Variants in IL17REL observed in about 807,000 individuals in gnomAD.
The protein encoded by IL17REL is interleukin-17 receptor E-like protein.
Under a neutral mutation model 49.0 loss-of-function variants are expected in IL17REL, and 36 were observed. The observed-to-expected ratio is 0.73, with a 90% CI of 0.56 to 0.97. The LOEUF is 0.97. Ranked by LOEUF, IL17REL falls within the 50% of genes least tolerant of loss-of-function variation. The probability of loss-of-function intolerance (pLI) is 0.00; values close to 1 mark genes in which losing one functional copy is unlikely to be tolerated. For missense variants in IL17REL, 470 were observed against 453.9 expected, an observed-to-expected ratio of 1.04 and a Z score of -0.32; for synonymous variants, 206 against 192.4, an observed-to-expected ratio of 1.07 and a Z score of -0.58.
chr22:49,998,305 A>G (rs760051591), exon 8 of IL17REL: 29 of 1,600,862 alleles, frequency 1.8e-5, no homozygotes, highest in Non-Finnish European at 2.5e-5. Context: ...CCAGTGCCTC[A>G]GTGTCTGCAG....
chr22:50,004,820 C>T (rs1036601381), intron 1 of IL17REL, among the ~76,000 whole-genome samples: 1 of 149,146 alleles, frequency 6.7e-6, no homozygotes, highest in Non-Finnish European at 1.5e-5. Flanking sequence ...CCACTGCACT[C>T]CAGCCTGGAT....
At chr22:49,996,821 G>A (rs531433024) in exon 13 of IL17REL, 113 of 535,390 alleles carry the variant, frequency 2.1e-4, no homozygotes, top group African/African-American at 2.1e-3. Context: ...AGGTTGCAGA[G>A]CTGCTGGGGG....
intron 9 of IL17REL, 52 bp from the exon 12 acceptor site, chr22:49,997,794 GCAGGGACAGGGGCAGGGA>G: frequency 2.6e-6 from 4 of 1,565,422 alleles, no homozygotes; most frequent in Non-Finnish European, 3.5e-6. Flanking sequence ...TGAGGCAGGG[GCAGGGACAGGGGCAGGGA>G]CAGGGACAGG....
In IL17REL at chr22:50,002,495, CTTTTTTT is replaced by C. The variant is rs398040533; in HGVS notation, c.-41-1271_-41-1265del. ...GAAATCCAACTCTTTCTTTTCTTTT[CTTTTTTT>C]TTTTTTTTTTTTGAGACAGTCCCGC... On this transcript the variant is annotated intron_variant, in intron 1 of 12. Transcript: ENST00000341280. Among the ~76,000 whole-genome samples, 31 of 127,910 alleles carry C rather than the reference CTTTTTTT, an allele frequency of 2.4e-4. No individual in the cohort carries two copies. The Admixed American group carries it at 2.5e-3, about 10-fold the overall frequency. 83.9% of individuals were successfully genotyped at this position (127,910 alleles called of 152,430 possible).
chr22:50,006,400 G>C (rs1006958125), intron 1 of IL17REL, among the ~76,000 whole-genome samples: 6 of 152,058 alleles, frequency 3.9e-5, no homozygotes, highest in African/African-American at 1.4e-4. Flanking sequence ...CCAGCCTCCG[G>C]GAGGCCCTGA....
Position 49,997,611 on chromosome 22 carries a change from C to T in IL17REL, c.877+74G>A, listed in dbSNP as rs997079123. The T allele has an allele frequency of 4.0e-6, 6 of 1,515,434 alleles. No individual in the cohort carries two copies. The East Asian group carries it at 6.8e-5, about 17-fold the overall frequency. 93.9% of individuals were successfully genotyped at this position (1,515,434 alleles called of 1,614,324 possible). A position where few individuals can be genotyped will look rare whatever the true frequency, so the allele number is the denominator to read the frequency against. On this transcript the variant is annotated intron_variant, in intron 10 of 12. Transcript: ENST00000341280. ...TGGCTTGGCACCGTTATTCCACCTC[C>T]CTGACCAGCACAGAGTGATATAAAG...
rs2046541740 is a variant in IL17REL at position 49,998,749 on chromosome 22, G to A, written c.602-440C>T. Among the ~76,000 whole-genome samples, 3 of 150,704 alleles carry A rather than the reference G, an allele frequency of 2.0e-5. No homozygotes were observed. In the South Asian group the frequency reaches 6.3e-4, roughly 32 times the overall value. The stretch of plus-strand genomic sequence containing the variant: ...CATGTGTATGGGTGTGTATGTGCAT[G>A]GGTGCGTGTGCATGGGTGCGTGTCC... On this transcript the variant is annotated intron_variant, in intron 7 of 12. Transcript: ENST00000341280.
chr22:49,998,665 A>G (rs1244302041), intron 7 of IL17REL, among the ~76,000 whole-genome samples: 4 of 133,892 alleles, frequency 3.0e-5, no homozygotes, highest in Non-Finnish European at 6.3e-5. Context: ...TGTCATGGGT[A>G]TGGGTGTGCG....
chr22:50,006,903 CAAGA>C (rs1200445800), intron 1 of IL17REL, among the ~76,000 whole-genome samples: 1 of 135,884 alleles, frequency 7.4e-6, no homozygotes, highest in Non-Finnish European at 1.5e-5. Flanking sequence ...TGCAGTGAGC[CAAGA>C]TTGCACCACT....
intron 7 of IL17REL, 80 bp downstream of exon 9, chr22:49,999,211 C>T (rs562858324): frequency 2.1e-5 from 32 of 1,524,806 alleles, no homozygotes; most frequent in Non-Finnish European, 2.7e-5. Flanking sequence ...TCTCATCCCC[C>T]CACGTCAGTC....
chr22:49,998,038 TG>T lies in IL17REL; in HGVS notation c.805del (p.Gln269SerfsTer4). On this transcript the variant is annotated frameshift_variant, in exon 9 of 13. Coordinates refer to ENST00000341280, the Ensembl canonical transcript of IL17REL. LOFTEE classifies it high-confidence loss of function. ...GCAGCCCCTCACCTTCAGGCAGAGC[TG>T]GGGCTGGGTGTCCACCAGCGGGTAC... 6.3e-7 allele frequency: 1 copy of T among 1,593,618 alleles called. No individual in the cohort carries two copies. Among genetic ancestry groups the T allele is most frequent in the Admixed American group, 1.9e-5 (1 of 52,870 alleles).
At chr22:50,011,986 G>A (rs952697972), upstream of IL17REL, among the ~76,000 whole-genome samples, 5 of 152,184 alleles carry the variant, frequency 3.3e-5, no homozygotes, top group African/African-American at 1.2e-4. Context: ...TGTCCCCACT[G>A]TGCCCGGCCA....
chr22:50,010,760 C>T (rs2061135310), upstream of IL17REL, among the ~76,000 whole-genome samples: 1 of 150,778 alleles, frequency 6.6e-6, no homozygotes, highest in Non-Finnish European at 1.5e-5. Flanking sequence ...CCCGCCCCTG[C>T]CCCACGGCAC....
chr22:49,991,869 C>T (rs1199429869), downstream of IL17REL, among the ~76,000 whole-genome samples: 1 of 152,174 alleles, frequency 6.6e-6, no homozygotes, highest in Non-Finnish European at 1.5e-5. Context: ...ATGACACAGC[C>T]TCAGGAGGTC....
exon 9 of IL17REL, chr22:49,998,043 C>T (rs776491040): frequency 6.3e-7 from 1 of 1,594,628 alleles, no homozygotes; most frequent in African/African-American, 1.4e-5. Context: ...AGAGCTGGGG[C>T]TGGGTGTCCA....
downstream of IL17REL, among the ~76,000 whole-genome samples, chr22:49,993,659 C>G (rs1010217871): frequency 5.3e-5 from 8 of 152,136 alleles, no homozygotes; most frequent in Non-Finnish European, 1.0e-4. This position sits in a 1 kb window ranked among gnomAD's most constrained non-coding sequence, Gnocchi z 6.0. Context: ...GACTCAGTTT[C>G]CCCCATCTGC....
At chr22:50,006,716 G>A (rs2061112268) in intron 1 of IL17REL, among the ~76,000 whole-genome samples, 1 of 152,122 alleles carries the variant, frequency 6.6e-6, no homozygotes, top group Non-Finnish European at 1.5e-5. Context: ...CACTTTGGGA[G>A]GCCGAGGCGG....
chr22:50,004,970 TA>T (rs11455056), intron 1 of IL17REL, among the ~76,000 whole-genome samples: 1,082 of 51,936 alleles, frequency 0.021, 11 homozygotes, highest in African/African-American at 0.05. Flanking sequence ...AACCAGAAAG[TA>T]AAAAAAAAAA....
upstream of IL17REL, among the ~76,000 whole-genome samples, chr22:50,011,206 C>A (rs562379012): frequency 4.0e-5 from 6 of 151,596 alleles, no homozygotes; most frequent in African/African-American, 1.5e-4. Flanking sequence ...TCCATGAGAC[C>A]CTCCCTCAGC....
Sources: gnomAD v4.1 joint callset for allele counts (sites outside exome capture counted in the v4.1 genomes callset) on GRCh38, gnomAD v4.1.1 for gene constraint, Gnocchi (gnomAD v3.1) non-coding constraint, MANE v1.5 for transcripts, NCBI Gene and HGNC (gene_info 2026-07-23, HGNC 2026-07-21) for gene names.